The following CLNK variants were observed in gnomAD, a reference collection of about 807,000 sequenced individuals.
CLNK encodes the protein cytokine dependent hematopoietic cell linker.
CLNK carries 74 observed loss-of-function variants against 68.6 expected under a neutral mutation model. The ratio of observed to expected loss-of-function variants is 1.08; its 90% confidence interval spans 0.89 to 1.31. CLNK has a LOEUF of 1.31. CLNK is among the 50% of genes most tolerant of loss of function. The pLI, the probability that CLNK is intolerant of heterozygous loss-of-function variation, is 0.00. For synonymous variants in CLNK, 198 were observed against 172.2 expected (o/e 1.15, Z -1.17); for missense variants, 553 against 515.3 (o/e 1.07, Z -0.71).
At chr4:10,620,609 G>A (rs1201561791) in intron 2 of CLNK, among the ~76,000 whole-genome samples, 5 of 152,118 alleles carry the variant, frequency 3.3e-5, no homozygotes, top group Non-Finnish European at 1.5e-5. Context: ...GAGGCAATTT[G>A]TTCTTACTCT....
chr4:10,624,344 C>T (rs1466824179), intron 2 of CLNK, among the ~76,000 whole-genome samples: 1 of 152,174 alleles, frequency 6.6e-6, no homozygotes, highest in Non-Finnish European at 1.5e-5. Context: ...TCTCGCTCTG[C>T]TGCCCAGGCG....
chr4:10,660,012 A>G (rs1724132123), intron 2 of CLNK, among the ~76,000 whole-genome samples: 1 of 152,338 alleles, frequency 6.6e-6, no homozygotes, highest in Admixed American at 6.5e-5. Context: ...AGTGTTTTGG[A>G]CTTCATGGCT....
chr4:10,618,961 T>C (rs1322242818), intron 2 of CLNK, among the ~76,000 whole-genome samples: 1 of 152,184 alleles, frequency 6.6e-6, no homozygotes, highest in African/African-American at 2.4e-5. Flanking sequence ...CAAACCATAT[T>C]GTATGCCTAA....
intron 12 of CLNK, among the ~76,000 whole-genome samples, chr4:10,530,047 T>G (rs1201313866): frequency 6.6e-6 from 1 of 152,060 alleles, no homozygotes; most frequent in African/African-American, 2.4e-5. Context: ...TTCTTTCACC[T>G]TCTCTGCCCC....
chr4:10,573,370 A>G (rs1720423201), intron 4 of CLNK, among the ~76,000 whole-genome samples: 1 of 152,154 alleles, frequency 6.6e-6, no homozygotes, highest in Non-Finnish European at 1.5e-5. Context: ...GAGGAACAGA[A>G]TCCTGCCTAC....
chr4:10,593,405 A>C (rs1721262038), intron 3 of CLNK, among the ~76,000 whole-genome samples: 1 of 152,036 alleles, frequency 6.6e-6, no homozygotes, highest in African/African-American at 2.4e-5. Context: ...CTGTCATCCC[A>C]GGTCTTTGGG....
At chr4:10,560,568 C>T (rs998763185) in intron 7 of CLNK, among the ~76,000 whole-genome samples, 5 of 151,738 alleles carry the variant, frequency 3.3e-5, no homozygotes, top group Non-Finnish European at 5.9e-5. Context: ...TTCAGCCTCC[C>T]AAGTAGCTGG....
intron 2 of CLNK, among the ~76,000 whole-genome samples, chr4:10,618,959 A>G (rs755753750): frequency 6.6e-6 from 1 of 152,194 alleles, no homozygotes; most frequent in Non-Finnish European, 1.5e-5. Context: ...TCCAAACCAT[A>G]TTGTATGCCT....
chr4:10,518,183 G>A (rs184465367), intron 15 of CLNK, among the ~76,000 whole-genome samples: 4 of 152,204 alleles, frequency 2.6e-5, no homozygotes, highest in African/African-American at 9.6e-5. Flanking sequence ...TAGCCTAATA[G>A]AAAAGGCATG....
intron 2 of CLNK, among the ~76,000 whole-genome samples, chr4:10,631,354 T>A (rs1413070113): frequency 1.3e-5 from 2 of 152,212 alleles, no homozygotes; most frequent in African/African-American, 2.4e-5. Context: ...TGGCACTCGG[T>A]AAGTAGAAGG....
At chr4:10,702,511 G>A in the CLNK span, among the ~76,000 whole-genome samples, 1 of 152,164 alleles carries the variant, frequency 6.6e-6, no homozygotes, top group South Asian at 2.1e-4. Flanking sequence ...GATGGATAGA[G>A]AAAGAAGTGC....
chr4:10,729,841 G>A, the CLNK span, among the ~76,000 whole-genome samples: 4 of 152,152 alleles, frequency 2.6e-5, no homozygotes, highest in Admixed American at 6.5e-5. Context: ...TTCATTAAAT[G>A]TTTAAGGTAT....
At chr4:10,652,259 G>A (rs1047887004) in intron 2 of CLNK, among the ~76,000 whole-genome samples, 5 of 151,252 alleles carry the variant, frequency 3.3e-5, no homozygotes, top group Non-Finnish European at 7.4e-5. Context: ...GCGAGCACCT[G>A]TAATCCCAGC....
intron 3 of CLNK, among the ~76,000 whole-genome samples, chr4:10,591,359 G>A (rs1721171894): frequency 6.6e-6 from 1 of 152,188 alleles, no homozygotes; most frequent in African/African-American, 2.4e-5. Context: ...TGGTACCTAT[G>A]TAATGGAACT....
chr4:10,624,593 G>GTTTTTTTTTTTTTTTT (rs10559473), intron 2 of CLNK, among the ~76,000 whole-genome samples: 1 of 122,888 alleles, frequency 8.1e-6, no homozygotes, highest in African/African-American at 3.1e-5. Context: ...CGCCCGGCCA[G>GTTTTTTTTTTTTTTTT]TTTTTTTTTT....
chr4:10,615,940 A>T (rs958646091), intron 2 of CLNK, among the ~76,000 whole-genome samples: 45 of 152,222 alleles, frequency 3.0e-4, no homozygotes, highest in Non-Finnish European at 5.7e-4. Context: ...TGGTGTGCTG[A>T]AGCTGGCTTA....
At chr4:10,521,663 C>T (rs1718072285) in intron 14 of CLNK, among the ~76,000 whole-genome samples, 1 of 152,198 alleles carries the variant, frequency 6.6e-6, no homozygotes, top group African/African-American at 2.4e-5. Flanking sequence ...GGTCATATGT[C>T]TTGCTTTGTG....
At chr4:10,616,790 G>GTGTGTGTATATATATA (rs1369047138) in intron 2 of CLNK, among the ~76,000 whole-genome samples, 3 of 64,358 alleles carry the variant, frequency 4.7e-5, no homozygotes, top group African/African-American at 1.3e-4. Flanking sequence ...GTGTGTGTGT[G>GTGTGTGTATATATATA]TATATATATA....
intron 3 of CLNK, among the ~76,000 whole-genome samples, chr4:10,585,216 T>C (rs1720925749): frequency 6.6e-6 from 1 of 152,244 alleles, no homozygotes; most frequent in African/African-American, 2.4e-5. Context: ...TATTCTCATG[T>C]AAATAGCTGT....
Sources: gnomAD v4.1 joint callset for allele counts (sites outside exome capture counted in the v4.1 genomes callset) on GRCh38, gnomAD v4.1.1 for gene constraint, MANE v1.5 for transcripts, NCBI Gene and HGNC (gene_info 2026-07-23, HGNC 2026-07-21) for gene names.